Variants in EXT1 observed in about 807,000 individuals in gnomAD.
EXT1 encodes exostosin glycosyltransferase 1.
Under a neutral mutation model 82.5 loss-of-function variants are expected in EXT1, and 20 were observed. The ratio of observed to expected loss-of-function variants is 0.24; its 90% CI spans 0.17 to 0.35. EXT1 has a LOEUF of 0.35. Among genes scored for constraint, EXT1 ranks in the 10% least tolerant of loss-of-function variants. The pLI is 1.00. For synonymous variants in EXT1, 348 were observed against 350.8 expected, an observed-to-expected ratio of 0.99 and a Z score of 0.09; for missense variants, 757 against 936.5, an observed-to-expected ratio of 0.81 and a Z score of 2.50.
intron 1 of EXT1, among the ~76,000 whole-genome samples, chr8:118,073,640 A>AAGAGT (rs2129967813): frequency 3.5e-5 from 2 of 57,828 alleles, no homozygotes; most frequent in African/African-American, 1.2e-4. Context: ...GAAAGAAGAG[A>AAGAGT]AGAGAAGAGA....
intron 1 of EXT1, among the ~76,000 whole-genome samples, chr8:117,889,507 T>A (rs1278867587): frequency 6.6e-6 from 1 of 152,166 alleles, no homozygotes. Context: ...TGATTTCATA[T>A]CCTAGGGGAC....
rs370679586 is a variant in EXT1 at position 117,799,194 on chromosome 8, T to A, written c.*518A>T. The A allele has an allele frequency of 4.3e-5, 7 of 162,182 alleles. No individual in the cohort carries two copies. The allele number at this position is 162,182 out of a possible 1,614,324, so 10.0% of individuals were successfully genotyped here. ...AACAATTTGCACTGGCAAAGTTGAATAATGAAGTTACAACTTATGCTCAGT... is the reference window on the plus strand; with the variant it reads ...AACAATTTGCACTGGCAAAGTTGAAAAATGAAGTTACAACTTATGCTCAGT... On this transcript the variant is annotated 3_prime_UTR_variant, in exon 11 of 11. Coordinates refer to ENST00000378204, the MANE Select transcript of EXT1 (RefSeq NM_000127.3).
intron 1 of EXT1, among the ~76,000 whole-genome samples, chr8:118,034,931 C>G (rs1197253710): frequency 6.6e-6 from 1 of 152,038 alleles, no homozygotes; most frequent in East Asian, 1.9e-4. Flanking sequence ...GAAACCAACC[C>G]CTATAGGTAT....
intron 1 of EXT1, among the ~76,000 whole-genome samples, chr8:117,981,881 G>A (rs2129768310): frequency 6.6e-6 from 1 of 151,976 alleles, no homozygotes; most frequent in African/African-American, 2.4e-5. Flanking sequence ...GAAAAAAAAG[G>A]CAGGCAGAAA....
intron 1 of EXT1, among the ~76,000 whole-genome samples, chr8:118,049,097 T>C (rs1563640123): frequency 6.6e-6 from 1 of 152,180 alleles, no homozygotes; most frequent in Non-Finnish European, 1.5e-5. Flanking sequence ...TTAGATCACA[T>C]AAAAATATTT....
chr8:118,030,257 T>TAA (rs1816284690), intron 1 of EXT1, among the ~76,000 whole-genome samples: 1 of 144,762 alleles, frequency 6.9e-6, no homozygotes, highest in African/African-American at 2.6e-5. Context: ...AAAAAAAGGC[T>TAA]AAGGATATAA....
At chr8:118,000,881 C>A (rs1815648505) in intron 1 of EXT1, among the ~76,000 whole-genome samples, 1 of 152,084 alleles carries the variant, frequency 6.6e-6, no homozygotes, top group African/African-American at 2.4e-5. Flanking sequence ...CCTAATGTAG[C>A]AAAATCTCCC....
At chr8:118,076,899 TTTC>T (rs1817222899) in intron 1 of EXT1, among the ~76,000 whole-genome samples, 1 of 145,492 alleles carries the variant, frequency 6.9e-6, no homozygotes, top group Admixed American at 6.7e-5. Flanking sequence ...TAATAAAATA[TTTC>T]TTTTTTGTTG....
At position 117,796,868 on chromosome 8, in the gene EXT1, T is replaced by C. The variant is rs1489184863; in HGVS notation, c.*2844A>G. 1 of 152,226 alleles carries C rather than the reference T, an allele frequency of 6.6e-6. No individual in the cohort carries two copies. The highest frequency in any genetic ancestry group is 1.5e-5 in the Non-Finnish European group (1 of 68,036). 9.4% of individuals were successfully genotyped at this position (152,226 alleles called of 1,614,324 possible). On this transcript the variant is annotated 3_prime_UTR_variant, in exon 11 of 11. Coordinates refer to ENST00000378204, the MANE Select transcript of EXT1 (RefSeq NM_000127.3). ...TTTATAACACTTTCATATAAATAAA[T>C]ACACAGCCAGCTTTTAAAAAATTAC... is the stretch of plus-strand genomic sequence containing the variant.
intron 1 of EXT1, among the ~76,000 whole-genome samples, chr8:117,923,991 G>A (rs1050794239): frequency 6.6e-6 from 1 of 152,198 alleles, no homozygotes; most frequent in Non-Finnish European, 1.5e-5. Flanking sequence ...CAGACTAAGA[G>A]TTAAAATAGG....
chr8:118,047,525 G>T (rs527325181), intron 1 of EXT1, among the ~76,000 whole-genome samples: 1 of 152,196 alleles, frequency 6.6e-6, no homozygotes, highest in South Asian at 2.1e-4. Context: ...TGCCTCCCAA[G>T]CTAAGGACTA....
rs1169835343 is a variant in EXT1, at chr8:118,073,698, A to C, written c.962+36387T>G. 2.7e-5 allele frequency among the ~76,000 whole-genome samples: 3 copies of C among 110,834 alleles called. No homozygotes were observed. The South Asian group carries it at 8.0e-4, about 30-fold the overall frequency. 72.7% of individuals were successfully genotyped at this position (110,834 alleles called of 152,430 possible). A position where few individuals can be genotyped will look rare whatever the true frequency, so the allele number is the denominator to read the frequency against. ...AGAAGAGAAGAGAAGAGAAGAGAAGAGAAGAGAAGCCTCTTAAGAAGGATC... is the reference window on the plus strand; with the variant it reads ...AGAAGAGAAGAGAAGAGAAGAGAAGCGAAGAGAAGCCTCTTAAGAAGGATC... On this transcript the variant is annotated intron_variant, in intron 1 of 10. Transcript: ENST00000378204.
intron 1 of EXT1, among the ~76,000 whole-genome samples, chr8:118,085,068 C>T (rs1817393248): frequency 6.6e-6 from 1 of 152,180 alleles, no homozygotes; most frequent in African/African-American, 2.4e-5. Flanking sequence ...TGTTAAGCAT[C>T]ATACACCATC....
intron 1 of EXT1, among the ~76,000 whole-genome samples, chr8:118,083,039 C>T (rs1478035179): frequency 6.6e-6 from 1 of 152,134 alleles, no homozygotes; most frequent in Non-Finnish European, 1.5e-5. Flanking sequence ...GACATTTTTA[C>T]ACCTCTTATA....
intron 1 of EXT1, among the ~76,000 whole-genome samples, chr8:118,058,010 C>G (rs1014850119): frequency 1.4e-4 from 21 of 150,252 alleles, no homozygotes; most frequent in Admixed American, 1.1e-3. Flanking sequence ...AAAAAAAAAT[C>G]GAAAGTGATC....
intron 1 of EXT1, among the ~76,000 whole-genome samples, chr8:117,920,348 C>T (rs541912331): frequency 1.3e-5 from 2 of 152,286 alleles, no homozygotes; most frequent in East Asian, 3.9e-4. Flanking sequence ...AGGTGATCCA[C>T]CCGCCTCGGC....
At chr8:117,873,593 T>C (rs1383261334) in intron 1 of EXT1, among the ~76,000 whole-genome samples, 1 of 151,810 alleles carries the variant, frequency 6.6e-6, no homozygotes, top group East Asian at 1.9e-4. Flanking sequence ...ATAGCTAGGA[T>C]TACAGGTGCA....
At chr8:117,803,478 T>G (rs1823196580) in intron 10 of EXT1, among the ~76,000 whole-genome samples, 1 of 152,192 alleles carries the variant, frequency 6.6e-6, no homozygotes, top group African/African-American at 2.4e-5. Flanking sequence ...ATTATCAGTA[T>G]GAGCCACTGT....
chr8:117,951,437 C>T (rs1055479268), intron 1 of EXT1, among the ~76,000 whole-genome samples: 5 of 152,172 alleles, frequency 3.3e-5, no homozygotes, highest in Non-Finnish European at 7.3e-5. Context: ...GTAACCACAG[C>T]ACCAATTTCT....
Sources: gnomAD v4.1 joint callset for allele counts (sites outside exome capture counted in the v4.1 genomes callset) on GRCh38, gnomAD v4.1.1 for gene constraint, MANE v1.5 for transcripts, NCBI Gene and HGNC (gene_info 2026-07-23, HGNC 2026-07-21) for gene names.